Variants in SAMMSON observed in about 807,000 individuals in gnomAD.
SAMMSON encodes survival associated mitochondrial melanoma specific oncogenic non-coding RNA, also known as long intergenic non-protein coding RNA 1212.
chr3:70,053,206 G>C (rs1559781633), intron 3 of SAMMSON, among the ~76,000 whole-genome samples: 1 of 152,126 alleles, frequency 6.6e-6, no homozygotes, highest in Non-Finnish European at 1.5e-5. Flanking sequence ...CTGAAGTCTA[G>C]ATCAAAGTCA....
intron 1 of SAMMSON, among the ~76,000 whole-genome samples, chr3:70,007,055 C>T (rs955387079): frequency 5.9e-5 from 9 of 151,942 alleles, no homozygotes; most frequent in Admixed American, 1.3e-4. Flanking sequence ...CATTGTTGGA[C>T]GTTTGGGTTG....
At chr3:70,309,789 A>T (rs931624267) in intron 7 of SAMMSON, among the ~76,000 whole-genome samples, 2 of 152,240 alleles carry the variant, frequency 1.3e-5, no homozygotes, top group African/African-American at 2.4e-5. Context: ...TATAGTAAAC[A>T]TAATTCGAGT....
At chr3:70,423,692 GC>G (rs1346511644) in intron 2 of SAMMSON, among the ~76,000 whole-genome samples, 1 of 152,170 alleles carries the variant, frequency 6.6e-6, no homozygotes. Flanking sequence ...TATAGGCTCA[GC>G]TGACCTAATT....
intron 2 of SAMMSON, among the ~76,000 whole-genome samples, chr3:70,417,649 C>G (rs1054974650): frequency 3.3e-5 from 5 of 152,140 alleles, no homozygotes; most frequent in African/African-American, 1.2e-4. Context: ...ACTACTTTCT[C>G]TGAGTTAGCT....
At chr3:70,197,281 A>C in intron 4 of SAMMSON, 1 of 397,224 alleles carries the variant, frequency 2.5e-6, no homozygotes, top group Non-Finnish European at 4.4e-6. Context: ...TTGATAGCCA[A>C]CTCTTAATTA....
chr3:70,152,192 A>C (rs1428570422), intron 4 of SAMMSON, among the ~76,000 whole-genome samples: 2 of 151,986 alleles, frequency 1.3e-5, no homozygotes, highest in African/African-American at 4.8e-5. Flanking sequence ...ACTCTATTGA[A>C]ATTGAACACT....
At chr3:70,056,416 A>G (rs1464546325) in intron 3 of SAMMSON, among the ~76,000 whole-genome samples, 3 of 151,980 alleles carry the variant, frequency 2.0e-5, no homozygotes, top group African/African-American at 7.2e-5. Context: ...CTTCTTAAGA[A>G]CTGTATCTGT....
intron 2 of SAMMSON, among the ~76,000 whole-genome samples, chr3:70,397,580 A>T (rs1701102510): frequency 6.6e-6 from 1 of 152,174 alleles, no homozygotes; most frequent in Non-Finnish European, 1.5e-5. Flanking sequence ...TCGGATTAAC[A>T]ATATGTGTGT....
At chr3:70,056,611 A>G (rs2067169049) in intron 3 of SAMMSON, among the ~76,000 whole-genome samples, 1 of 151,756 alleles carries the variant, frequency 6.6e-6, no homozygotes, top group South Asian at 2.1e-4. Flanking sequence ...TACACTATCG[A>G]GGTGGAAAGT....
chr3:70,236,653 C>T (rs749364953), intron 4 of SAMMSON, among the ~76,000 whole-genome samples: 5 of 152,140 alleles, frequency 3.3e-5, no homozygotes, highest in East Asian at 3.9e-4. Context: ...TGGAGTGCAG[C>T]GGCACAATCA....
At chr3:70,202,244 G>T (rs1230743346) in intron 4 of SAMMSON, among the ~76,000 whole-genome samples, 1 of 152,008 alleles carries the variant, frequency 6.6e-6, no homozygotes, top group African/African-American at 2.4e-5. Context: ...AGTGACTAAT[G>T]GCCTATTTGA....
chr3:70,362,553 A>G lies in SAMMSON; in HGVS notation n.913+4229A>G, dbSNP rs141663056. On this transcript the variant is annotated intron_variant and non_coding_transcript_variant, in intron 9 of 9. Coordinates refer to ENST00000642114, the Ensembl canonical transcript of SAMMSON. Reference sequence around the variant, plus strand: ...TGAAACATTTCATGGAATACTAAGTATGAAACAGATAAAGGCAGAGACTGA... The same window carrying G: ...TGAAACATTTCATGGAATACTAAGTGTGAAACAGATAAAGGCAGAGACTGA... Among the ~76,000 whole-genome samples the G allele has an allele frequency of 1.8e-3, 277 of 152,210 alleles. 1 individual carries two copies. Among genetic ancestry groups the G allele is most frequent in the Middle Eastern group, 6.8e-3 (2 of 294 alleles).
intron 2 of SAMMSON, among the ~76,000 whole-genome samples, chr3:70,423,301 T>A (rs1007412471): frequency 9.8e-5 from 15 of 152,296 alleles, no homozygotes; most frequent in Non-Finnish European, 1.9e-4. Context: ...AACAAATGTG[T>A]TTCCTTTTAA....
chr3:70,089,400 AAAACTGAGTC>A (rs2067297618), intron 4 of SAMMSON, among the ~76,000 whole-genome samples: 1 of 152,180 alleles, frequency 6.6e-6, no homozygotes, highest in Admixed American at 6.6e-5. Context: ...AATGCAAAGG[AAAACTGAGTC>A]AAACAGAGAA....
At chr3:70,400,849 T>A (rs375154807) in intron 2 of SAMMSON, among the ~76,000 whole-genome samples, 13 of 152,208 alleles carry the variant, frequency 8.5e-5, no homozygotes, top group African/African-American at 3.1e-4. Flanking sequence ...AAAGAATCTC[T>A]TGAACCTGGG....
At chr3:70,108,441 T>TTTTTTTTTTTTA (rs1553715435) in intron 4 of SAMMSON, among the ~76,000 whole-genome samples, 6 of 146,408 alleles carry the variant, frequency 4.1e-5, no homozygotes, top group African/African-American at 1.3e-4. Flanking sequence ...TTTTTTTTTT[T>TTTTTTTTTTTTA]ATCATAACTC....
At chr3:70,018,999 CAA>C (rs1462695449) in intron 3 of SAMMSON, among the ~76,000 whole-genome samples, 1 of 152,198 alleles carries the variant, frequency 6.6e-6, no homozygotes, top group Non-Finnish European at 1.5e-5. Context: ...GCTTTACTTC[CAA>C]CTACGTGGTC....
chr3:70,346,824 A>T (rs919711012), intron 7 of SAMMSON, among the ~76,000 whole-genome samples: 3 of 152,202 alleles, frequency 2.0e-5, no homozygotes, highest in South Asian at 4.1e-4. Context: ...AGTATTTTAT[A>T]TATAATTGTA....
At chr3:70,175,606 A>G (rs4547664) in intron 4 of SAMMSON, among the ~76,000 whole-genome samples, 85,180 of 151,908 alleles carry the variant, frequency 0.56, 24,939 homozygotes, top group Non-Finnish European at 0.62. Flanking sequence ...TTTAAAAAAA[A>G]TGTTTCTGAG....
Sources: allele counts gnomAD v4.1 joint callset (sites outside exome capture counted in the v4.1 genomes callset), GRCh38; gene constraint gnomAD v4.1.1; transcripts MANE v1.5; gene names NCBI Gene and HGNC (gene_info 2026-07-23, HGNC 2026-07-21).